Variants in PCBP3 observed in about 807,000 individuals in gnomAD.
PCBP3 encodes poly(rC)-binding protein 3.
A neutral mutation model predicts 52.7 loss-of-function variants in PCBP3; 25 were observed. That is an observed-to-expected ratio of 0.47 (90% CI 0.35 to 0.66). The LOEUF (loss-of-function observed/expected upper bound fraction) is 0.66, where lower values mean the gene tolerates loss of function less well. Ranked by LOEUF, PCBP3 falls within the 30% of genes least tolerant of loss-of-function variation. PCBP3 has a pLI of 0.01. For missense variants in PCBP3, 391 were observed against 490.3 expected (o/e 0.80, Z 1.91); for synonymous variants, 162 against 183.0 (o/e 0.89, Z 0.93).
Position 45,741,102 on chromosome 21 carries a change from AG to A in PCBP3, c.-162+5675del, listed in dbSNP as rs2086415468. Among the ~76,000 whole-genome samples, 1 of 152,194 alleles carries A rather than the reference AG, an allele frequency of 6.6e-6. No individual in the cohort carries two copies. Among genetic ancestry groups the A allele is most frequent in the Non-Finnish European group, 1.5e-5 (1 of 68,030 alleles). On this transcript the variant is annotated intron_variant, in intron 3 of 17. Transcript: ENST00000681687. The surrounding 1 kb of genome is among the most constrained non-coding windows in gnomAD (Gnocchi z 4.5). ...TTTGGCCCCAGAGCACTGGGAACCT[AG>A]GAACAGACACAGGAGGGAGGGAAAG...
At chr21:45,939,934 C>T (rs1255396706) in intron 16 of PCBP3, 96 bp from the exon 17 acceptor site, 48 of 1,115,220 alleles carry the variant, frequency 4.3e-5, no homozygotes, top group East Asian at 4.3e-4. Flanking sequence ...CCAAGGCTGG[C>T]GGCCCGTCCC....
intron 4 of PCBP3, among the ~76,000 whole-genome samples, chr21:45,783,555 G>A (rs562693244): frequency 3.9e-4 from 60 of 152,310 alleles, no homozygotes; most frequent in African/African-American, 1.4e-3. Flanking sequence ...ACAGAGAGTG[G>A]CGGTGGCCTC....
At chr21:45,923,351 G>A (rs776131658) in intron 13 of PCBP3, among the ~76,000 whole-genome samples, 9 of 152,200 alleles carry the variant, frequency 5.9e-5, no homozygotes, top group Non-Finnish European at 2.9e-5. Flanking sequence ...GTGGTGCAGC[G>A]GCTTGCCCAT....
intron 4 of PCBP3, among the ~76,000 whole-genome samples, chr21:45,815,849 AGTGAGTG>A (rs1337113222): frequency 6.0e-5 from 5 of 83,310 alleles, no homozygotes; most frequent in Admixed American, 2.4e-4. Context: ...GTGAGTGATG[AGTGAGTG>A]GTGAGTGGTG....
At chr21:45,879,346 T>C (rs1569420723) in intron 5 of PCBP3, among the ~76,000 whole-genome samples, 1 of 152,146 alleles carries the variant, frequency 6.6e-6, no homozygotes, top group Non-Finnish European at 1.5e-5. Flanking sequence ...ATAACCAGAA[T>C]GAAAAATTCA....
intron 2 of PCBP3, among the ~76,000 whole-genome samples, chr21:45,672,219 A>G (rs1172330859): frequency 6.6e-6 from 1 of 152,154 alleles, no homozygotes; most frequent in Non-Finnish European, 1.5e-5. Flanking sequence ...AGGACTCTGC[A>G]GAGTCCCCAC....
At chr21:45,759,019 A>C (rs1420197233) in intron 4 of PCBP3, among the ~76,000 whole-genome samples, 1 of 152,184 alleles carries the variant, frequency 6.6e-6, no homozygotes, top group Non-Finnish European at 1.5e-5. Flanking sequence ...TTGTTGAGCG[A>C]AGGTTTCCAA....
chr21:45,671,200 C>CAGTT (rs1208406360), intron 2 of PCBP3, among the ~76,000 whole-genome samples: 4 of 152,178 alleles, frequency 2.6e-5, no homozygotes, highest in Non-Finnish European at 5.9e-5. Context: ...TCTTTATGAA[C>CAGTT]AGTTAGTTAT....
intron 9 of PCBP3, among the ~76,000 whole-genome samples, chr21:45,906,564 C>T (rs2096212834): frequency 6.6e-6 from 1 of 152,128 alleles, no homozygotes; most frequent in Non-Finnish European, 1.5e-5. Context: ...CTCTCGGAGC[C>T]TTTAGAGGCT....
chr21:45,670,872 G>A (rs1191066045), intron 2 of PCBP3, among the ~76,000 whole-genome samples: 1 of 152,182 alleles, frequency 6.6e-6, no homozygotes, highest in Non-Finnish European at 1.5e-5. Flanking sequence ...GGTTTCCTCT[G>A]TGTGGTGATT....
chr21:45,751,433 C>T (rs2146331173), intron 3 of PCBP3: 1 of 152,290 alleles, frequency 6.6e-6, no homozygotes, highest in South Asian at 2.1e-4. Flanking sequence ...ATCTACATCT[C>T]CCTTTTTGTA....
At chr21:45,799,651 C>G (rs2092209598) in intron 4 of PCBP3, among the ~76,000 whole-genome samples, 1 of 151,982 alleles carries the variant, frequency 6.6e-6, no homozygotes, top group African/African-American at 2.4e-5. Context: ...ATGCTGTGAC[C>G]CCGGTGTCAC....
At chr21:45,747,989 C>A (rs1037790190) in intron 3 of PCBP3, 2 of 152,266 alleles carry the variant, frequency 1.3e-5, no homozygotes, top group East Asian at 3.9e-4. Flanking sequence ...CGTGATGACT[C>A]ATCCCTCCTC....
At chr21:45,744,285 C>A (rs1366982958) in intron 3 of PCBP3, 1 of 152,162 alleles carries the variant, frequency 6.6e-6, no homozygotes, top group Non-Finnish European at 1.5e-5. Context: ...GCCTTGAACT[C>A]CTGGGCTCAA....
chr21:45,937,118 G>T (rs1038787375), intron 16 of PCBP3, among the ~76,000 whole-genome samples: 4 of 152,236 alleles, frequency 2.6e-5, no homozygotes, highest in Non-Finnish European at 5.9e-5. Context: ...AAAATAAAAT[G>T]GGCGTGCTTG....
chr21:45,936,317 A>G (rs948577492), intron 16 of PCBP3, among the ~76,000 whole-genome samples: 2 of 152,228 alleles, frequency 1.3e-5, no homozygotes, highest in Non-Finnish European at 2.9e-5. Flanking sequence ...CTGAAGAGCC[A>G]TCTTCATTTG....
At chr21:45,866,249 C>T (rs968476331) in intron 5 of PCBP3, among the ~76,000 whole-genome samples, 3 of 152,224 alleles carry the variant, frequency 2.0e-5, no homozygotes, top group Admixed American at 2.0e-4. Flanking sequence ...ACACCTTGCA[C>T]CCAGGGCCAG....
intron 4 of PCBP3, among the ~76,000 whole-genome samples, chr21:45,764,967 G>C (rs1200429216): frequency 6.6e-6 from 1 of 152,218 alleles, no homozygotes; most frequent in Non-Finnish European, 1.5e-5. Flanking sequence ...ATCAGTGGTC[G>C]AGGCCCCGGG....
intron 4 of PCBP3, among the ~76,000 whole-genome samples, chr21:45,849,184 G>A (rs770601612): frequency 1.7e-4 from 25 of 149,168 alleles, no homozygotes; most frequent in Admixed American, 7.4e-4. Flanking sequence ...TTCTCCCAAG[G>A]TTCCAAATAT....
Sources: gnomAD v4.1 joint callset for allele counts (sites outside exome capture counted in the v4.1 genomes callset) on GRCh38, gnomAD v4.1.1 for gene constraint, Gnocchi (gnomAD v3.1) non-coding constraint, MANE v1.5 for transcripts, NCBI Gene and HGNC (gene_info 2026-07-23, HGNC 2026-07-21) for gene names.